Variants in LIN52 observed in about 807,000 individuals in gnomAD.
LIN52 encodes lin-52 DREAM MuvB core complex component, also known as protein lin-52 homolog.
Under a neutral mutation model 18.5 loss-of-function variants are expected in LIN52, and 4 were observed. That is an observed-to-expected ratio of 0.22 (90% CI 0.11 to 0.49). The LOEUF (loss-of-function observed/expected upper bound fraction) is 0.49, where lower values mean the gene tolerates loss of function less well. Among genes scored for constraint, LIN52 ranks in the 20% least tolerant of loss-of-function variants. The probability of loss-of-function intolerance (pLI) is 0.97; values close to 1 mark genes in which losing one functional copy is unlikely to be tolerated. For synonymous variants in LIN52, 34 were observed against 45.5 expected (o/e 0.75, Z 1.02); for missense variants, 102 against 139.5 (o/e 0.73, Z 1.35).
intron 5 of LIN52, among the ~76,000 whole-genome samples, chr14:74,129,089 GAGTT>G (rs558959631): frequency 3.3e-5 from 5 of 152,180 alleles, no homozygotes; most frequent in Non-Finnish European, 5.9e-5. Context: ...ATGAATGAGT[GAGTT>G]AGTTTTAGTG....
intron 5 of LIN52, among the ~76,000 whole-genome samples, chr14:74,113,785 G>T (rs2060945953): frequency 6.6e-6 from 1 of 151,680 alleles, no homozygotes; most frequent in African/African-American, 2.4e-5. Context: ...AAATAAAGAA[G>T]AAAGTAAAAA....
intron 5 of LIN52, among the ~76,000 whole-genome samples, chr14:74,151,815 G>A (rs2061177833): frequency 6.6e-6 from 1 of 152,210 alleles, no homozygotes; most frequent in Middle Eastern, 3.4e-3. Context: ...TCCTGACTTT[G>A]CTCCTTATTA....
chr14:74,175,840 T>G (rs1208736261), intron 5 of LIN52, among the ~76,000 whole-genome samples: 1 of 151,684 alleles, frequency 6.6e-6, no homozygotes, highest in Non-Finnish European at 1.5e-5. Context: ...TTAGGCCAGG[T>G]GCAGTGGCTC....
intron 3 of LIN52, among the ~76,000 whole-genome samples, chr14:74,096,835 A>C (rs770513760): frequency 1.3e-5 from 2 of 152,166 alleles, no homozygotes; most frequent in Non-Finnish European, 2.9e-5. Flanking sequence ...CTCATATTCT[A>C]AATCATTATG....
At chr14:74,162,500 GC>G (rs2061230455) in intron 5 of LIN52, among the ~76,000 whole-genome samples, 1 of 133,634 alleles carries the variant, frequency 7.5e-6, no homozygotes, top group Admixed American at 7.7e-5. Context: ...AAAAAAGATT[GC>G]TCTCCCACCC....
chr14:74,147,226 C>A (rs1330566941), intron 5 of LIN52, among the ~76,000 whole-genome samples: 1 of 152,110 alleles, frequency 6.6e-6, no homozygotes, highest in Non-Finnish European at 1.5e-5. Context: ...CCATTGCATT[C>A]CAACCTGGGC....
chr14:74,166,755 A>T (rs956130874), intron 5 of LIN52, among the ~76,000 whole-genome samples: 1 of 152,118 alleles, frequency 6.6e-6, no homozygotes, highest in Non-Finnish European at 1.5e-5. Context: ...ATTTTCCTGA[A>T]TATCTAGCTG....
At chr14:74,153,347 A>G (rs1367044876) in intron 5 of LIN52, among the ~76,000 whole-genome samples, 1 of 152,120 alleles carries the variant, frequency 6.6e-6, no homozygotes, top group Non-Finnish European at 1.5e-5. Flanking sequence ...GCGGTTTCCC[A>G]TTCATTGTAA....
Position 74,194,902 on chromosome 14 carries a change from T to C in LIN52, c.284-4020T>C, listed in dbSNP as rs529913829. ...GCTCATGCCTATAATCCTAGCACTT[T>C]GGGAGGCCAAGGCGGGCAGATCAAC... On this transcript the variant is annotated intron_variant, in intron 5 of 5. Coordinates refer to ENST00000555028, the MANE Select transcript of LIN52 (RefSeq NM_001024674.3). Among the ~76,000 whole-genome samples, 3 of 152,270 alleles carry C rather than the reference T, an allele frequency of 2.0e-5. No individual in the cohort carries two copies. The East Asian group carries it at 5.8e-4, about 29-fold the overall frequency.
In LIN52 at chr14:74,200,051, T is replaced by G. The variant is rs2078937625; in HGVS notation, c.*1074T>G. ...AAATCTATTATATGTGTTCTCCATA[T>G]TTCTTGTATAAGCCAGTCCCCAGCA... On this transcript the variant is annotated 3_prime_UTR_variant, in exon 6 of 6. Coordinates refer to ENST00000555028, the MANE Select transcript of LIN52 (RefSeq NM_001024674.3). 1 of 152,024 alleles carries G rather than the reference T, an allele frequency of 6.6e-6. No individual in the cohort carries two copies. The highest frequency in any genetic ancestry group is 1.5e-5 in the Non-Finnish European group (1 of 68,002). 9.4% of individuals were successfully genotyped at this position (152,024 alleles called of 1,614,324 possible).
chr14:74,195,789 G>T (rs890641165), intron 5 of LIN52, among the ~76,000 whole-genome samples: 3 of 152,188 alleles, frequency 2.0e-5, no homozygotes, highest in African/African-American at 4.8e-5. Context: ...TTAGCGGGCG[G>T]TGATTACTGT....
intron 3 of LIN52, 29 bp from the exon 4 acceptor site, chr14:74,097,765 G>C: frequency 6.6e-7 from 1 of 1,518,602 alleles, no homozygotes; most frequent in Non-Finnish European, 9.1e-7. Context: ...CTTTTTATGT[G>C]TCTGAATGGA....
intron 1 of LIN52, among the ~76,000 whole-genome samples, chr14:74,089,718 G>A (rs1305937326): frequency 3.9e-5 from 6 of 152,054 alleles, no homozygotes; most frequent in Non-Finnish European, 8.8e-5. Context: ...ATAACCACTT[G>A]GACATAAACC....
At chr14:74,196,044 A>G (rs1404315712) in intron 5 of LIN52, among the ~76,000 whole-genome samples, 1 of 152,166 alleles carries the variant, frequency 6.6e-6, no homozygotes, top group African/African-American at 2.4e-5. Context: ...ATACATTCGT[A>G]TATCTCCTGT....
At chr14:74,130,278 G>GTTTTTTTTTTTTTGTTTTTTTTTTTTT (rs2061055431) in intron 5 of LIN52, among the ~76,000 whole-genome samples, 1 of 64,842 alleles carries the variant, frequency 1.5e-5, no homozygotes, top group Non-Finnish European at 2.8e-5. Flanking sequence ...GCATTTTTTG[G>GTTTTTTTTTTTTTGTTTTTTTTTTTTT]TTTTTTTTTT....
At chr14:74,173,095 C>T (rs2061278530) in intron 5 of LIN52, among the ~76,000 whole-genome samples, 1 of 152,136 alleles carries the variant, frequency 6.6e-6, no homozygotes, top group Non-Finnish European at 1.5e-5. Context: ...AAAAAGCATT[C>T]TGTTGTTCAT....
At chr14:74,167,080 C>T (rs2061252513) in intron 5 of LIN52, among the ~76,000 whole-genome samples, 1 of 147,350 alleles carries the variant, frequency 6.8e-6, no homozygotes, top group Admixed American at 6.8e-5. Context: ...TGGTATCTCT[C>T]CTGGGGAAGA....
intron 3 of LIN52, among the ~76,000 whole-genome samples, chr14:74,096,264 T>C (rs934134926): frequency 1.3e-5 from 2 of 152,110 alleles, no homozygotes; most frequent in African/African-American, 2.4e-5. Context: ...TTCACCATCT[T>C]GGTCAGGCTG....
intron 5 of LIN52, among the ~76,000 whole-genome samples, chr14:74,186,590 G>C (rs1349362858): frequency 6.6e-6 from 1 of 152,044 alleles, no homozygotes; most frequent in Non-Finnish European, 1.5e-5. Flanking sequence ...AGCCAAGATT[G>C]TGCCACTACT....
Sources: gnomAD v4.1 joint callset for allele counts (sites outside exome capture counted in the v4.1 genomes callset) on GRCh38, gnomAD v4.1.1 for gene constraint, MANE v1.5 for transcripts, NCBI Gene and HGNC (gene_info 2026-07-23, HGNC 2026-07-21) for gene names.